Variants in STPG2 observed in about 807,000 individuals in gnomAD.
The protein encoded by STPG2 is sperm-tail PG-rich repeat-containing protein 2.
In STPG2, 56 loss-of-function variants were observed where a neutral mutation model predicts 54.2. That is an observed-to-expected ratio of 1.03 (90% CI 0.83 to 1.29). The LOEUF is 1.29. Ranked by LOEUF, STPG2 falls within the 50% of genes most tolerant of loss-of-function variation. The probability of loss-of-function intolerance (pLI) is 0.00; values close to 1 mark genes in which losing one functional copy is unlikely to be tolerated. For missense variants in STPG2, 596 were observed against 544.9 expected (o/e 1.09, Z -0.93); for synonymous variants, 200 against 181.8 (o/e 1.10, Z -0.81).
intron 4 of STPG2, among the ~76,000 whole-genome samples, chr4:97,497,806 A>G (rs377502546): frequency 6.6e-6 from 1 of 151,918 alleles, no homozygotes; most frequent in East Asian, 1.9e-4. Flanking sequence ...GCAAGTTATC[A>G]CTAACATTTT....
At chr4:97,709,819 TA>T (rs1188666633) in intron 10 of STPG2, among the ~76,000 whole-genome samples, 1 of 151,942 alleles carries the variant, frequency 6.6e-6, no homozygotes, top group Non-Finnish European at 1.5e-5. Context: ...AATTTACTGT[TA>T]TTTTAAATGA....
chr4:97,563,604 T>C (rs1416423855), intron 10 of STPG2, among the ~76,000 whole-genome samples: 1 of 152,178 alleles, frequency 6.6e-6, no homozygotes, highest in African/African-American at 2.4e-5. Flanking sequence ...CTACACACTA[T>C]TTTGAATGAG....
intron 8 of STPG2, among the ~76,000 whole-genome samples, chr4:97,866,757 T>G (rs1416454020): frequency 6.6e-6 from 1 of 152,050 alleles, no homozygotes; most frequent in Non-Finnish European, 1.5e-5. Context: ...TCACAGCTAG[T>G]GATCTCAATA....
intron 8 of STPG2, among the ~76,000 whole-genome samples, chr4:97,885,965 G>A (rs1471039648): frequency 6.6e-6 from 1 of 152,072 alleles, no homozygotes; most frequent in Non-Finnish European, 1.5e-5. Context: ...ATTAAAGTGA[G>A]GTCAATTTTT....
At chr4:98,122,183 A>G (rs1739699165) in intron 3 of STPG2, among the ~76,000 whole-genome samples, 1 of 152,164 alleles carries the variant, frequency 6.6e-6, no homozygotes, top group African/African-American at 2.4e-5. Flanking sequence ...TATTTGAATA[A>G]ACTTTATGTC....
intron 5 of STPG2, among the ~76,000 whole-genome samples, chr4:98,017,949 G>A (rs1022900533): frequency 2.0e-5 from 3 of 152,070 alleles, no homozygotes; most frequent in Non-Finnish European, 4.4e-5. Context: ...ATGATTGTAA[G>A]TTTCCTGAGG....
At chr4:97,595,131 C>T (rs1455768304) in intron 10 of STPG2, among the ~76,000 whole-genome samples, 10 of 152,166 alleles carry the variant, frequency 6.6e-5, no homozygotes, top group African/African-American at 2.4e-4. Flanking sequence ...AATCATGCTG[C>T]TATAAAGACA....
intron 9 of STPG2, among the ~76,000 whole-genome samples, chr4:97,758,904 A>G (rs1046983687): frequency 6.6e-6 from 1 of 152,178 alleles, no homozygotes; most frequent in African/African-American, 2.4e-5. Context: ...AAAACAGAAA[A>G]AAAAAGAATT....
At chr4:98,012,479 C>A (rs770373126) in intron 5 of STPG2, among the ~76,000 whole-genome samples, 10 of 152,140 alleles carry the variant, frequency 6.6e-5, no homozygotes, top group Non-Finnish European at 1.2e-4. Flanking sequence ...TTTTCTAAAT[C>A]TGTGAAGAAT....
At chr4:97,884,919 T>G (rs554605625) in intron 8 of STPG2, among the ~76,000 whole-genome samples, 149 of 152,172 alleles carry the variant, frequency 9.8e-4, no homozygotes, top group African/African-American at 3.5e-3. Flanking sequence ...AAAACCAGAC[T>G]GTTACAGAAA....
intron 5 of STPG2, among the ~76,000 whole-genome samples, chr4:97,994,605 T>C (rs1735140625): frequency 6.6e-6 from 1 of 152,144 alleles, no homozygotes; most frequent in Non-Finnish European, 1.5e-5. Context: ...GCAGAGATAC[T>C]GAACTCCAGG....
At chr4:97,964,742 G>T (rs1048308785) in intron 7 of STPG2, among the ~76,000 whole-genome samples, 6 of 152,090 alleles carry the variant, frequency 3.9e-5, no homozygotes, top group African/African-American at 1.2e-4. Flanking sequence ...TTCTGTTGTT[G>T]TCTTAAAATC....
intron 5 of STPG2, among the ~76,000 whole-genome samples, chr4:98,005,979 T>A (rs940260365): frequency 6.6e-6 from 1 of 152,226 alleles, no homozygotes; most frequent in African/African-American, 2.4e-5. Context: ...CATTCACCAA[T>A]TAAACCATCA....
chr4:97,859,463 T>A (rs1277114980), intron 8 of STPG2, among the ~76,000 whole-genome samples: 8 of 134,646 alleles, frequency 5.9e-5, no homozygotes, highest in Middle Eastern at 4.1e-3. Context: ...TTTCTTTTCT[T>A]TTCTTTTTTT....
chr4:97,454,309 C>T (rs1440447636), intron 4 of STPG2, among the ~76,000 whole-genome samples: 2 of 150,670 alleles, frequency 1.3e-5, no homozygotes, highest in East Asian at 3.9e-4. Context: ...GTCAGGAGAT[C>T]GAGACCATCC....
intron 6 of STPG2, among the ~76,000 whole-genome samples, chr4:97,974,034 A>G (rs768330364): frequency 3.3e-5 from 5 of 152,208 alleles, no homozygotes; most frequent in Non-Finnish European, 5.9e-5. Context: ...ACACCAGCCC[A>G]TGAAAGCATC....
At chr4:97,785,637 A>C (rs191305297) in intron 9 of STPG2, among the ~76,000 whole-genome samples, 48 of 152,244 alleles carry the variant, frequency 3.2e-4, no homozygotes, top group Non-Finnish European at 5.3e-4. Context: ...GAAGAAGATA[A>C]AAGTAAAACA....
intron 4 of STPG2, among the ~76,000 whole-genome samples, chr4:97,456,726 T>G (rs1320939727): frequency 6.6e-6 from 1 of 151,364 alleles, no homozygotes; most frequent in Non-Finnish European, 1.5e-5. Context: ...AAACCCCATC[T>G]CTACTAAAAA....
chr4:97,910,923 G>C (rs1328281409), intron 8 of STPG2, among the ~76,000 whole-genome samples: 1 of 152,188 alleles, frequency 6.6e-6, no homozygotes, highest in Non-Finnish European at 1.5e-5. Context: ...AAAATGGAAA[G>C]TGAATTCTAC....
Sources: gnomAD v4.1 joint callset for allele counts (sites outside exome capture counted in the v4.1 genomes callset) on GRCh38, gnomAD v4.1.1 for gene constraint, MANE v1.5 for transcripts, NCBI Gene and HGNC (gene_info 2026-07-23, HGNC 2026-07-21) for gene names.